Variants in CXCR1 observed in about 807,000 individuals in gnomAD.
The protein encoded by CXCR1 is C-X-C chemokine receptor type 1.
For synonymous variants in CXCR1, 180 were observed against 184.7 expected (o/e 0.97, Z 0.21); for missense variants, 419 against 440.5 (o/e 0.95, Z 0.44).
chr2:218,164,150 C>A lies in CXCR1; in HGVS notation c.*9G>T. 1 of 1,613,670 alleles carries A rather than the reference C, an allele frequency of 6.2e-7. No individual in the cohort carries two copies. The highest frequency in any genetic ancestry group is 8.5e-7 in the Non-Finnish European group (1 of 1,179,954). ...CTTCTGAGAAGAGATATTCCTTCAT[C>A]GATGGTTTTCAGAGGTTGGAAGAGA... is the stretch of plus-strand genomic sequence containing the variant. On this transcript the variant is annotated 3_prime_UTR_variant, in exon 2 of 2. Coordinates refer to ENST00000295683, the MANE Select transcript of CXCR1 (RefSeq NM_000634.3).
At position 218,164,459 on chromosome 2, in the gene CXCR1, G is replaced by T; in HGVS notation, c.753C>A (p.Phe251Leu). Residue 251 changes from phenylalanine (F) to leucine (L), a missense_variant, in exon 2 of 2, where the codon TTC becomes TTA. Coordinates refer to ENST00000295683, the MANE Select transcript of CXCR1 (RefSeq NM_000634.3). ...GGTTGTAGGGCAGCCAGCAAAGCAG[G>T]AAGATGAGGACGACAGCAAAGATGA... Reference protein sequence around the residue: ...MRVIFAVVLIFLLCWLPYNLV... With the variant: ...MRVIFAVVLILLLCWLPYNLV... The T allele has an allele frequency of 6.2e-7, 1 of 1,614,232 alleles. No individual in the cohort carries two copies. Among genetic ancestry groups the T allele is most frequent in the Non-Finnish European group, 8.5e-7 (1 of 1,180,046 alleles).
In CXCR1 at chr2:218,163,262, A is replaced by T. The variant is rs1691221870; in HGVS notation, c.*897T>A. 1 of 152,678 alleles carries T rather than the reference A, an allele frequency of 6.5e-6. No homozygotes were observed. The highest frequency in any genetic ancestry group is 1.5e-5 in the Non-Finnish European group (1 of 68,292). The allele number at this position is 152,678 out of a possible 1,614,324, so 9.5% of individuals were successfully genotyped here. A position where few individuals can be genotyped will look rare whatever the true frequency, so the allele number is the denominator to read the frequency against. On this transcript the variant is annotated 3_prime_UTR_variant, in exon 2 of 2. Transcript: ENST00000295683. ...GTGCTGCCCCCATTCTACTGCAGGA[A>T]CAGCCAACAATGCTGCACACACCCT... is the stretch of plus-strand genomic sequence containing the variant.
In CXCR1 at chr2:218,164,565, A is replaced by T; in HGVS notation, c.647T>A (p.Phe216Tyr). Residue 216 changes from phenylalanine (F) to tyrosine (Y), a missense_variant, in exon 2 of 2, where the codon TTT (phenylalanine) becomes TAT (tyrosine). Phe to Tyr is a conservative substitution (Grantham distance 22). Transcript: ENST00000295683. ...GAATCCATAGCAGAACAGCATGACAAACAGCGGCACGATGAAGCCAAAGGT... is the reference window on the plus strand; with the variant it reads ...GAATCCATAGCAGAACAGCATGACATACAGCGGCACGATGAAGCCAAAGGT... ...PHTFGFIVPL[F>Y]VMLFCYGFTL... 1 of 1,614,208 alleles carries T rather than the reference A, an allele frequency of 6.2e-7. No homozygotes were observed. The highest frequency in any genetic ancestry group is 8.5e-7 in the Non-Finnish European group (1 of 1,180,044).
At position 218,163,795 on chromosome 2, in the gene CXCR1, CGAGAGCATCCAGCCCTCATG is replaced by C. The variant is rs1156903975; in HGVS notation, c.*344_*363del. 3 of 297,468 alleles carry C rather than the reference CGAGAGCATCCAGCCCTCATG, an allele frequency of 1.0e-5. No homozygotes were observed. The allele number at this position is 297,468 out of a possible 1,614,324, so 18.4% of individuals were successfully genotyped here. ...GAGGAGATGCTCCTGTGAGGGTCAA[CGAGAGCATCCAGCCCTCATG>C]AGGACACAGCTTCAGCCCTGTTCTC... On this transcript the variant is annotated 3_prime_UTR_variant, in exon 2 of 2. Transcript: ENST00000295683.
intron 1 of CXCR1, 68 bp downstream of exon 1, chr2:218,166,840 C>A (rs1345363448): frequency 1.3e-5 from 2 of 152,204 alleles, no homozygotes; most frequent in Non-Finnish European, 2.9e-5. Flanking sequence ...AATACATTTT[C>A]CAAAATAAAG....
In CXCR1 at chr2:218,164,114, G is replaced by C. The variant is rs772239901; in HGVS notation, c.*45C>G. 1 of 1,605,844 alleles carries C rather than the reference G, an allele frequency of 6.2e-7. No homozygotes were observed. Among genetic ancestry groups the C allele is most frequent in the African/African-American group, 1.3e-5 (1 of 74,956 alleles). On this transcript the variant is annotated 3_prime_UTR_variant, in exon 2 of 2. Coordinates refer to ENST00000295683, the MANE Select transcript of CXCR1 (RefSeq NM_000634.3). ...TTCCACACACAACCTCAGGGTGTTG[G>C]TTATTCTTTCCTTCTGAGAAGAGAT...
Position 218,164,240 on chromosome 2 carries a change from G to A in CXCR1, c.972C>T (p.Gly324=). 1 of 1,613,866 alleles carries A rather than the reference G, an allele frequency of 6.2e-7. No individual in the cohort carries two copies. Among genetic ancestry groups the A allele is most frequent in the Non-Finnish European group, 8.5e-7 (1 of 1,179,742 alleles). ...GTGCCAAGAACTCCTTGCTGACCAGGCCATGCATAGCCAGGATCTTGAGGA... is the reference window on the plus strand; with the variant it reads ...GTGCCAAGAACTCCTTGCTGACCAGACCATGCATAGCCAGGATCTTGAGGA... ...HGFLKILAMH[G]LVSKEFLARH... is the part of the protein sequence containing the mutation. The change falls in exon 2 of 2, where the codon GGC becomes GGT. Residue 324 remains glycine (G), a synonymous_variant. Coordinates refer to ENST00000295683, the MANE Select transcript of CXCR1 (RefSeq NM_000634.3).
chr2:218,165,367 T>C (rs2106121078), intron 1 of CXCR1, 123 bp from the exon 2 acceptor site: 3 of 748,764 alleles, frequency 4.0e-6, no homozygotes, highest in East Asian at 5.3e-5. Flanking sequence ...ATGAGAGCTC[T>C]CCTTCCTCCT....
Position 218,164,559 on chromosome 2 carries a change from A to G in CXCR1, c.653T>C (p.Met218Thr). The G allele has an allele frequency of 6.2e-7, 1 of 1,614,226 alleles. No homozygotes were observed. Among genetic ancestry groups the G allele is most frequent in the Non-Finnish European group, 8.5e-7 (1 of 1,180,042 alleles). Reference protein sequence around the residue: ...TFGFIVPLFVMLFCYGFTLRT... With the variant: ...TFGFIVPLFVTLFCYGFTLRT... ...CAGGGTGAATCCATAGCAGAACAGC[A>G]TGACAAACAGCGGCACGATGAAGCC... The change falls in exon 2 of 2, where the codon ATG becomes ACG. Residue 218 changes from methionine to threonine, a missense_variant. Transcript: ENST00000295683.
At chr2:218,166,346 G>T (rs1052056398) in intron 1 of CXCR1, among the ~76,000 whole-genome samples, 1 of 152,112 alleles carries the variant, frequency 6.6e-6, no homozygotes, top group Non-Finnish European at 1.5e-5. Context: ...GCTGAGGCAG[G>T]AGAATCACTT....
rs1691247261 is a variant in CXCR1 at position 218,164,529 on chromosome 2, G to A, written c.683C>T (p.Thr228Ile). The A allele has an allele frequency of 6.2e-7, 1 of 1,614,170 alleles. No homozygotes were observed. Among genetic ancestry groups the A allele is most frequent in the Non-Finnish European group, 8.5e-7 (1 of 1,180,034 alleles). Residue 228 changes from threonine (T) to isoleucine (I), a missense_variant, in exon 2 of 2, where the codon ACA becomes ATA. Thr to Ile is a moderately conservative substitution (Grantham distance 89, BLOSUM62 -1). Transcript: ENST00000295683. ...MLFCYGFTLR[T>I]LFKAHMGQKH... Reference sequence around the variant, plus strand: ...CTGCCCCATGTGGGCCTTAAACAGTGTACGCAGGGTGAATCCATAGCAGAA... The same window carrying A: ...CTGCCCCATGTGGGCCTTAAACAGTATACGCAGGGTGAATCCATAGCAGAA...
At chr2:218,166,266 T>C (rs1351669429) in intron 1 of CXCR1, among the ~76,000 whole-genome samples, 1 of 151,892 alleles carries the variant, frequency 6.6e-6, no homozygotes, top group East Asian at 1.9e-4. Context: ...TGAAACCCCG[T>C]CTCTACTAAA....
intron 1 of CXCR1, among the ~76,000 whole-genome samples, chr2:218,166,480 G>A (rs1691285930): frequency 2.0e-5 from 3 of 152,114 alleles, no homozygotes; most frequent in Admixed American, 6.6e-5. Flanking sequence ...ATGACCTTGA[G>A]TGGGGTCTCG....
At position 218,165,135 on chromosome 2, in the gene CXCR1, T is replaced by G. The variant is rs1338020371; in HGVS notation, c.77A>C (p.Asp26Ala). The change falls in exon 2 of 2, where the codon GAT becomes GCT. Residue 26 changes from aspartate to alanine, a missense_variant. Transcript: ENST00000295683. Reference sequence around the variant, plus strand: ...AGTTTCTAGCATACAGGGGCTGTAATCTTCATCTGCAGGTGGCATGCCAGT... The same window carrying G: ...AGTTTCTAGCATACAGGGGCTGTAAGCTTCATCTGCAGGTGGCATGCCAGT... ...NFTGMPPADE[D>A]YSPCMLETET... 3 of 1,614,182 alleles carry G rather than the reference T, an allele frequency of 1.9e-6. No individual in the cohort carries two copies. Among genetic ancestry groups the G allele is most frequent in the Non-Finnish European group, 2.5e-6 (3 of 1,180,032 alleles).
chr2:218,165,924 A>T (rs1383153804), intron 1 of CXCR1, among the ~76,000 whole-genome samples: 1 of 152,182 alleles, frequency 6.6e-6, no homozygotes, highest in Non-Finnish European at 1.5e-5. Context: ...GTTTTCAAAT[A>T]TATTTCCTAT....
chr2:218,163,756 T>C lies in CXCR1; in HGVS notation c.*403A>G. 4.1e-6 allele frequency: 1 copy of C among 242,886 alleles called. No individual in the cohort carries two copies. The allele number at this position is 242,886 out of a possible 1,614,324, so 15.0% of individuals were successfully genotyped here. A position where few individuals can be genotyped will look rare whatever the true frequency, so the allele number is the denominator to read the frequency against. ...GCCACCAGCTTGGTGGCTCAACGCTTAACACTCAGAGTTGAGGAGATGCTC... is the reference window on the plus strand; with the variant it reads ...GCCACCAGCTTGGTGGCTCAACGCTCAACACTCAGAGTTGAGGAGATGCTC... On this transcript the variant is annotated 3_prime_UTR_variant, in exon 2 of 2. Transcript: ENST00000295683.
rs773319684 is a variant in CXCR1, at chr2:218,164,888, G to T, written c.324C>A (p.Phe108Leu). The change falls in exon 2 of 2, where the codon TTC becomes TTA. Residue 108 changes from phenylalanine to leucine, a missense_variant. Physicochemically the swap from Phe to Leu is conservative, Grantham distance 22. Coordinates refer to ENST00000295683, the MANE Select transcript of CXCR1 (RefSeq NM_000634.3). ...TCAGGAGTGAGACCACCTTGCACAG[G>T]AATGTGCCAAAAATCCAGCCATTCA... ...SKVNGWIFGTFLCKVVSLLKE... is the reference protein window; with the variant it reads ...SKVNGWIFGTLLCKVVSLLKE... 1 of 1,614,252 alleles carries T rather than the reference G, an allele frequency of 6.2e-7. No individual in the cohort carries two copies. The highest frequency in any genetic ancestry group is 1.7e-5 in the Admixed American group (1 of 60,032).
rs1455096964 is a variant in CXCR1, at chr2:218,163,508, G to A, written c.*651C>T. 1.3e-5 allele frequency: 2 copies of A among 155,706 alleles called. No homozygotes were observed. Among genetic ancestry groups the A allele is most frequent in the Non-Finnish European group, 2.9e-5 (2 of 70,048 alleles). 9.6% of individuals were successfully genotyped at this position (155,706 alleles called of 1,614,324 possible). A position where few individuals can be genotyped will look rare whatever the true frequency, so the allele number is the denominator to read the frequency against. Reference sequence around the variant, plus strand: ...GCCAGCACATGTGTCTGCGATGTTGGTCATGGGGGTAAAGGGGGTTCTTGT... The same window carrying A: ...GCCAGCACATGTGTCTGCGATGTTGATCATGGGGGTAAAGGGGGTTCTTGT... On this transcript the variant is annotated 3_prime_UTR_variant, in exon 2 of 2. Transcript: ENST00000295683.
chr2:218,165,118 G>A lies in CXCR1; in HGVS notation c.94C>T (p.Leu32=), dbSNP rs753335882. ...TACTTGTTGAGTGTCTCAGTTTCTA[G>A]CATACAGGGGCTGTAATCTTCATCT... ...PADEDYSPCM[L]ETETLNKYVV... Residue 32 remains leucine (L), a synonymous_variant, in exon 2 of 2, where the codon CTA becomes TTA. Transcript: ENST00000295683. 7 of 1,614,112 alleles carry A rather than the reference G, an allele frequency of 4.3e-6. No individual in the cohort carries two copies. The Admixed American group carries it at 1.0e-4, about 23-fold the overall frequency.
Sources: gnomAD v4.1 joint callset for allele counts (sites outside exome capture counted in the v4.1 genomes callset) on GRCh38, gnomAD v4.1.1 for gene constraint, MANE v1.5 for transcripts, NCBI Gene and HGNC (gene_info 2026-07-23, HGNC 2026-07-21) for gene names.